BRINP3: variants seen among roughly 807,000 people sequenced by gnomAD.
BRINP3 encodes the protein BMP/retinoic acid-inducible neural-specific protein 3.
BRINP3 carries 19 observed loss-of-function variants against 71.0 expected under a neutral mutation model. The ratio of observed to expected loss-of-function variants is 0.27; its 90% CI spans 0.19 to 0.39. The LOEUF is 0.39. BRINP3 is among the 10% of genes least tolerant of loss of function. BRINP3 has a pLI of 1.00. For synonymous variants in BRINP3, 380 were observed against 337.7 expected (o/e 1.13, Z -1.37); for missense variants, 959 against 940.8 (o/e 1.02, Z -0.25).
intron 7 of BRINP3, among the ~76,000 whole-genome samples, chr1:190,137,635 C>T (rs1557999392): frequency 6.6e-6 from 1 of 151,982 alleles, no homozygotes; most frequent in Non-Finnish European, 1.5e-5. Context: ...TTAAGTATTT[C>T]CAGGTTGACA....
At chr1:190,442,309 A>C (rs1367321013) in intron 2 of BRINP3, among the ~76,000 whole-genome samples, 2 of 152,176 alleles carry the variant, frequency 1.3e-5, no homozygotes, top group African/African-American at 4.8e-5. Flanking sequence ...TGTCTTTAAG[A>C]TAAGACCGTC....
chr1:190,234,488 A>G lies in BRINP3; in HGVS notation c.619-11T>C. The G allele has an allele frequency of 6.3e-7, 1 of 1,590,590 alleles. No homozygotes were observed. Among genetic ancestry groups the G allele is most frequent in the Non-Finnish European group, 8.6e-7 (1 of 1,159,468 alleles). ...CCGTGTTTCTGTTACCTGGCAAACA[A>G]AACATCAACTTTATTATCTAAATCA... On this transcript the variant is annotated splice_polypyrimidine_tract_variant and intron_variant, in intron 4 of 7. Transcript: ENST00000367462.
intron 5 of BRINP3, 113 bp from the exon 6 acceptor site, chr1:190,226,431 A>T (rs1054465272): frequency 1.4e-5 from 8 of 573,068 alleles, no homozygotes; most frequent in Non-Finnish European, 2.3e-5. Context: ...TAAATTTTGA[A>T]TTATGTATTT....
intron 2 of BRINP3, among the ~76,000 whole-genome samples, chr1:190,361,139 G>A (rs530616571): frequency 1.1e-4 from 16 of 152,002 alleles, no homozygotes; most frequent in Middle Eastern, 6.8e-3. Flanking sequence ...GTTTGACAGG[G>A]ACAAGCAGGA....
At chr1:190,455,637 C>A (rs982696788) in intron 1 of BRINP3, among the ~76,000 whole-genome samples, 1 of 151,840 alleles carries the variant, frequency 6.6e-6, no homozygotes, top group Non-Finnish European at 1.5e-5. Context: ...TAGGAAAAAA[C>A]TGCATATCTG....
chr1:190,098,797 T>A lies in BRINP3; in HGVS notation c.1522A>T (p.Ile508Leu), dbSNP rs192283325. Residue 508 changes from isoleucine to leucine, a missense_variant, in exon 8 of 8, where the codon ATA becomes TTA. Physicochemically the swap from Ile to Leu is conservative, Grantham distance 5 (BLOSUM62 2). Transcript: ENST00000367462. Reference sequence around the variant, plus strand: ...CTGATAAAAATGGCATGGACTTCTATTCGTCTGTCCGTTTTCTGCAGCAGA... The same window carrying A: ...CTGATAAAAATGGCATGGACTTCTAATCGTCTGTCCGTTTTCTGCAGCAGA... ...KYLLQKTDRR[I>L]EVHAIFISND... 2 of 1,614,250 alleles carry A rather than the reference T, an allele frequency of 1.2e-6. No individual in the cohort carries two copies. Among genetic ancestry groups the A allele is most frequent in the Non-Finnish European group, 1.7e-6 (2 of 1,180,050 alleles).
At chr1:190,352,715 C>G (rs1668470012) in intron 2 of BRINP3, among the ~76,000 whole-genome samples, 1 of 151,872 alleles carries the variant, frequency 6.6e-6, no homozygotes, top group African/African-American at 2.4e-5. Context: ...TTTATTCTAT[C>G]TTATTCTGAA....
chr1:190,172,025 T>A (rs747070682), intron 6 of BRINP3, among the ~76,000 whole-genome samples: 7 of 151,154 alleles, frequency 4.6e-5, no homozygotes, highest in Non-Finnish European at 7.4e-5. Context: ...CGCCTATCCC[T>A]AGGAGTTCGA....
chr1:190,420,986 C>T (rs535008334), intron 2 of BRINP3, among the ~76,000 whole-genome samples: 29 of 151,834 alleles, frequency 1.9e-4, no homozygotes, highest in African/African-American at 6.3e-4. Flanking sequence ...GACCCTATGA[C>T]TTTAGCAAAT....
intron 1 of BRINP3, among the ~76,000 whole-genome samples, chr1:190,473,448 C>A: frequency 6.6e-6 from 1 of 151,118 alleles, no homozygotes; most frequent in East Asian, 1.9e-4. Flanking sequence ...AAACTATTTC[C>A]AGAGATAATT....
chr1:190,126,639 C>A (rs1042520742), intron 7 of BRINP3, among the ~76,000 whole-genome samples: 1 of 151,876 alleles, frequency 6.6e-6, no homozygotes, highest in Non-Finnish European at 1.5e-5. Flanking sequence ...CATTGGCCAG[C>A]TGGCCACATC....
chr1:190,404,214 A>G (rs1048327180), intron 2 of BRINP3, among the ~76,000 whole-genome samples: 2 of 152,178 alleles, frequency 1.3e-5, no homozygotes, highest in African/African-American at 4.8e-5. Flanking sequence ...ACATTTCAGT[A>G]TGTAGCAAAT....
intron 2 of BRINP3, among the ~76,000 whole-genome samples, chr1:190,404,990 T>A (rs1295441598): frequency 6.6e-6 from 1 of 152,064 alleles, no homozygotes; most frequent in Non-Finnish European, 1.5e-5. Flanking sequence ...ATATTTCTAA[T>A]ACATAGAACC....
intron 7 of BRINP3, among the ~76,000 whole-genome samples, chr1:190,113,886 A>G (rs1210692186): frequency 1.3e-5 from 2 of 152,194 alleles, no homozygotes; most frequent in East Asian, 3.9e-4. Flanking sequence ...CTAATAACGC[A>G]AACTAGGTTT....
chr1:190,113,096 G>A (rs1170084161), intron 7 of BRINP3, among the ~76,000 whole-genome samples: 1 of 151,886 alleles, frequency 6.6e-6, no homozygotes, highest in Admixed American at 6.6e-5. Flanking sequence ...GAATTATATT[G>A]TACACTTTGA....
chr1:190,282,494 G>A (rs1212339065), intron 2 of BRINP3, among the ~76,000 whole-genome samples: 1 of 151,778 alleles, frequency 6.6e-6, no homozygotes, highest in African/African-American at 2.4e-5. Flanking sequence ...CTGAGAAGTG[G>A]TCCAATAAAA....
intron 2 of BRINP3, among the ~76,000 whole-genome samples, chr1:190,408,818 G>C (rs542201512): frequency 2.0e-5 from 3 of 152,300 alleles, no homozygotes; most frequent in African/African-American, 7.2e-5. Flanking sequence ...TCAACCTCCA[G>C]ATGTTAACCA....
At chr1:190,292,046 T>A (rs1347748031) in intron 2 of BRINP3, among the ~76,000 whole-genome samples, 2 of 152,074 alleles carry the variant, frequency 1.3e-5, no homozygotes, top group African/African-American at 4.8e-5. Flanking sequence ...AAGCCAGGTA[T>A]AGAAAGAAAA....
intron 2 of BRINP3, among the ~76,000 whole-genome samples, chr1:190,393,263 G>A (rs1208238407): frequency 6.6e-6 from 1 of 151,548 alleles, no homozygotes; most frequent in Non-Finnish European, 1.5e-5. Context: ...TCAATAAGTG[G>A]AGCTGGGATG....
Sources: gnomAD v4.1 joint callset for allele counts (sites outside exome capture counted in the v4.1 genomes callset) on GRCh38, gnomAD v4.1.1 for gene constraint, MANE v1.5 for transcripts, NCBI Gene and HGNC (gene_info 2026-07-23, HGNC 2026-07-21) for gene names.